PCDH15: variants seen among roughly 807,000 people sequenced by gnomAD.
PCDH15 encodes protocadherin-15.
PCDH15 carries 129 observed loss-of-function variants against 178.5 expected under a neutral mutation model. The ratio of observed to expected loss-of-function variants is 0.72; its 90% CI spans 0.63 to 0.84. PCDH15 has a LOEUF of 0.84. PCDH15 is among the 40% of genes least tolerant of loss of function. PCDH15 has a pLI of 0.00. For missense variants in PCDH15, 2,230 were observed against 2,099.9 expected (o/e 1.06, Z -1.21); for synonymous variants, 800 against 732.0 (o/e 1.09, Z -1.50).
At chr10:54,899,375 AGAGT>A (rs1954603983) in intron 2 of PCDH15, among the ~76,000 whole-genome samples, 1 of 152,136 alleles carries the variant, frequency 6.6e-6, no homozygotes, top group Admixed American at 6.6e-5. Context: ...GCTGTTTCTA[AGAGT>A]GAGAAAATAA....
At chr10:54,765,674 A>G (rs1185121083) in intron 1 of PCDH15, among the ~76,000 whole-genome samples, 1 of 152,150 alleles carries the variant, frequency 6.6e-6, no homozygotes, top group Non-Finnish European at 1.5e-5. Flanking sequence ...CTTTATATAT[A>G]ACAGCCTGTA....
At chr10:54,525,353 C>T (rs893159689) in intron 3 of PCDH15, among the ~76,000 whole-genome samples, 1 of 152,148 alleles carries the variant, frequency 6.6e-6, no homozygotes, top group African/African-American at 2.4e-5. Context: ...GCTCATCATT[C>T]TGGTAAAATA....
At chr10:54,182,842 T>C (rs1020089292) in intron 13 of PCDH15, among the ~76,000 whole-genome samples, 2 of 152,162 alleles carry the variant, frequency 1.3e-5, no homozygotes, top group Non-Finnish European at 2.9e-5. Flanking sequence ...ACTGGTCAAA[T>C]AGCTATGCTT....
chr10:54,086,735 G>A (rs2136017332), intron 16 of PCDH15, among the ~76,000 whole-genome samples: 1 of 152,232 alleles, frequency 6.6e-6, no homozygotes, highest in South Asian at 2.1e-4. Flanking sequence ...TCATCAAAAG[G>A]GATCACACAA....
At chr10:53,842,987 C>G (rs2077752064) in intron 28 of PCDH15, among the ~76,000 whole-genome samples, 1 of 152,046 alleles carries the variant, frequency 6.6e-6, no homozygotes, top group Non-Finnish European at 1.5e-5. Flanking sequence ...ATCTATTGTG[C>G]TTGGGTTCTT....
At chr10:53,999,657 A>AG (rs2092026986) in intron 20 of PCDH15, among the ~76,000 whole-genome samples, 1 of 152,050 alleles carries the variant, frequency 6.6e-6, no homozygotes, top group Admixed American at 6.6e-5. Flanking sequence ...GTGGAGAAGG[A>AG]CTGTTTCTCA....
chr10:54,997,111 C>CA (rs34308353), intron 2 of PCDH15, among the ~76,000 whole-genome samples: 10,848 of 142,262 alleles, frequency 0.076, 597 homozygotes, highest in African/African-American at 0.15. Flanking sequence ...ACTCTAGTCT[C>CA]AAAAAAAAAA....
chr10:55,555,541 G>A (rs1426861610), intron 2 of PCDH15, among the ~76,000 whole-genome samples: 1 of 152,096 alleles, frequency 6.6e-6, no homozygotes, highest in East Asian at 1.9e-4. Flanking sequence ...ATTCTCTAGA[G>A]ATGCCTCTTC....
chr10:54,888,789 C>CTTTTTTTTTT (rs59914980), intron 3 of PCDH15, among the ~76,000 whole-genome samples: 2 of 110,170 alleles, frequency 1.8e-5, no homozygotes, highest in African/African-American at 3.3e-5. Context: ...TTCATTTTTT[C>CTTTTTTTTTT]TTTTTTTTTT....
chr10:55,356,740 T>C (rs549796213), intron 2 of PCDH15, among the ~76,000 whole-genome samples: 1 of 152,030 alleles, frequency 6.6e-6, no homozygotes, highest in Admixed American at 6.6e-5. Context: ...CTGTAAGATA[T>C]GTGTGTGACT....
At chr10:53,930,170 C>T (rs779429950) in intron 25 of PCDH15, among the ~76,000 whole-genome samples, 15 of 152,116 alleles carry the variant, frequency 9.9e-5, no homozygotes, top group Middle Eastern at 3.4e-3. Context: ...GAAATAGCAA[C>T]GCATTCGGCT....
chr10:54,347,013 G>A (rs1489750110), intron 5 of PCDH15, among the ~76,000 whole-genome samples: 2 of 152,158 alleles, frequency 1.3e-5, no homozygotes, highest in Non-Finnish European at 2.9e-5. Context: ...GATATTGGTT[G>A]AGTAGAACAT....
intron 19 of PCDH15, among the ~76,000 whole-genome samples, chr10:54,021,676 T>C (rs1175239463): frequency 6.6e-6 from 1 of 151,900 alleles, no homozygotes; most frequent in East Asian, 1.9e-4. Context: ...ATATTCTCTT[T>C]GCCTTAAGAT....
Position 54,173,401 on chromosome 10 carries a change from T to C in PCDH15, c.1590+10043A>G, listed in dbSNP as rs1229445716. ...TTTGCCTCTTTAACAGCATATATGA[T>C]TGACTTATGTTTTCAGTCAGTTTAG... is the stretch of plus-strand genomic sequence containing the variant. On this transcript the variant is annotated intron_variant, in intron 13 of 37. Coordinates refer to ENST00000644397, the MANE Select transcript of PCDH15 (RefSeq NM_001384140.1). 2.0e-5 allele frequency among the ~76,000 whole-genome samples: 3 copies of C among 152,162 alleles called. No individual in the cohort carries two copies. In the East Asian group the frequency reaches 5.8e-4, roughly 29 times the overall value.
chr10:54,694,475 C>T (rs917141172), intron 1 of PCDH15, among the ~76,000 whole-genome samples: 6 of 152,060 alleles, frequency 3.9e-5, no homozygotes, highest in Non-Finnish European at 8.8e-5. Flanking sequence ...ACAAATATTC[C>T]AATTTTTACA....
chr10:54,638,147 C>T (rs2093905625), intron 2 of PCDH15, among the ~76,000 whole-genome samples: 1 of 151,950 alleles, frequency 6.6e-6, no homozygotes, highest in East Asian at 1.9e-4. Flanking sequence ...CTGCTTGAAC[C>T]CTGATGACTG....
At chr10:54,617,460 T>A (rs368508479) in intron 2 of PCDH15, among the ~76,000 whole-genome samples, 74 of 152,114 alleles carry the variant, frequency 4.9e-4, no homozygotes, top group African/African-American at 1.5e-3. Context: ...ACACTTTTAC[T>A]ATATGTATAT....
chr10:53,883,397 A>G (rs1244067333), intron 26 of PCDH15, among the ~76,000 whole-genome samples: 1 of 152,136 alleles, frequency 6.6e-6, no homozygotes, highest in Non-Finnish European at 1.5e-5. Context: ...ATTTAAAGAG[A>G]TATATTTTTT....
intron 3 of PCDH15, among the ~76,000 whole-genome samples, chr10:54,835,784 G>A (rs146909047): frequency 8.5e-5 from 13 of 152,150 alleles, no homozygotes; most frequent in Admixed American, 3.9e-4. Flanking sequence ...CACATAGCAG[G>A]AAATTTTGAG....
Sources: gnomAD v4.1 joint callset for allele counts (sites outside exome capture counted in the v4.1 genomes callset) on GRCh38, gnomAD v4.1.1 for gene constraint, MANE v1.5 for transcripts, NCBI Gene and HGNC (gene_info 2026-07-23, HGNC 2026-07-21) for gene names.